Variants in SPEN observed in about 807,000 individuals in gnomAD.
The protein encoded by SPEN is msx2-interacting protein.
In SPEN, 18 loss-of-function variants were observed where a neutral mutation model predicts 269.9. The ratio of observed to expected loss-of-function variants is 0.07; its 90% confidence interval spans 0.05 to 0.10. SPEN has a LOEUF of 0.10. Ranked by LOEUF, SPEN falls within the 10% of genes least tolerant of loss-of-function variation. The pLI is 1.00. For missense variants in SPEN, 3,822 were observed against 4,631.2 expected, an observed-to-expected ratio of 0.83 and a Z score of 5.07; for synonymous variants, 1,726 against 1,765.7, an observed-to-expected ratio of 0.98 and a Z score of 0.56.
At chr1:15,888,301 A>G (rs1442545618) in intron 3 of SPEN, among the ~76,000 whole-genome samples, 1 of 150,358 alleles carries the variant, frequency 6.7e-6, no homozygotes, top group Non-Finnish European at 1.5e-5. Context: ...GAAGCAAACT[A>G]TGTAAACTCT....
rs776885128 is a variant in SPEN at position 15,934,784 on chromosome 1, G to A, written c.8544G>A (p.Gln2848=). ...PPASAMDIEF[Q]QSVSKSQVKP... ...CCAGTGCAATGGACATTGAATTTCA[G>A]CAGTCAGTGTCCAAGTCCCAGGTCA... Residue 2848 remains glutamine (Q), a synonymous_variant, in exon 11 of 15, where the codon CAG becomes CAA. Transcript: ENST00000375759. This position sits in a 1 kb window ranked among gnomAD's most constrained non-coding sequence, Gnocchi z 9.2. The A allele has an allele frequency of 9.8e-5, 158 of 1,614,028 alleles. 1 individual carries two copies. Among genetic ancestry groups the A allele is most frequent in the Admixed American group, 8.5e-4 (51 of 60,002 alleles).
chr1:15,920,172 C>T (rs1283887797), intron 8 of SPEN, among the ~76,000 whole-genome samples: 8 of 151,998 alleles, frequency 5.3e-5, no homozygotes, highest in Non-Finnish European at 1.0e-4. Context: ...CAGGTTCAAG[C>T]GATTCTCTAG....
In SPEN at chr1:15,934,241, C is replaced by G; in HGVS notation, c.8001C>G (p.Ala2667=). The change falls in exon 11 of 15, where the codon GCC becomes GCG. Residue 2667 remains alanine, a synonymous_variant. Coordinates refer to ENST00000375759, the MANE Select transcript of SPEN (RefSeq NM_015001.3). The surrounding 1 kb of genome is among the most constrained non-coding windows in gnomAD (Gnocchi z 9.2). ...ACGTCTCCCTGGTCCCGGTGAATGCCCTGAAAGGCCCCGTGAAGGGCTCAG... is the reference window on the plus strand; with the variant it reads ...ACGTCTCCCTGGTCCCGGTGAATGCGCTGAAAGGCCCCGTGAAGGGCTCAG... ...LVNVSLVPVN[A]LKGPVKGSVT... 6.2e-7 allele frequency: 1 copy of G among 1,614,236 alleles called. No individual in the cohort carries two copies. Among genetic ancestry groups the G allele is most frequent in the Non-Finnish European group, 8.5e-7 (1 of 1,180,038 alleles).
chr1:15,880,453 CTT>C (rs371820417), intron 3 of SPEN, among the ~76,000 whole-genome samples: 20 of 110,954 alleles, frequency 1.8e-4, no homozygotes, highest in South Asian at 2.8e-4. Context: ...GTAATTATAG[CTT>C]TTTTTTTTTT....
chr1:15,920,916 A>C lies in SPEN; in HGVS notation c.1682A>C (p.Glu561Ala). 6.2e-7 allele frequency: 1 copy of C among 1,613,360 alleles called. No individual in the cohort carries two copies. Among genetic ancestry groups the C allele is most frequent in the Non-Finnish European group, 8.5e-7 (1 of 1,179,838 alleles). ...GGCATGGCCCTGGTTCTCTACAATG[A>C]AATTGAATATGCACAAGCAGCTGTA... is the stretch of plus-strand genomic sequence containing the variant. Reference protein sequence around the residue: ...LKGMALVLYNEIEYAQAAVKE... With the variant: ...LKGMALVLYNAIEYAQAAVKE... The change falls in exon 9 of 15, where the codon GAA becomes GCA. Residue 561 changes from glutamate (E) to alanine (A), a missense_variant. Physicochemically the swap from Glu to Ala is moderately radical, Grantham distance 107. Coordinates refer to ENST00000375759, the MANE Select transcript of SPEN (RefSeq NM_015001.3).
At position 15,922,236 on chromosome 1, in the gene SPEN, T is replaced by A. The variant is rs1373945910; in HGVS notation, c.1750-13T>A. The A allele has an allele frequency of 7.0e-6, 11 of 1,580,384 alleles. No individual in the cohort carries two copies. The African/African-American group carries it at 1.2e-4, about 18-fold the overall frequency. On this transcript the variant is annotated splice_polypyrimidine_tract_variant and intron_variant, in intron 9 of 14. Coordinates refer to ENST00000375759, the MANE Select transcript of SPEN (RefSeq NM_015001.3). ...TTGAAACTTGCATCAAACACCTCTT[T>A]TTTTTTTTAAAGGTGGATTTTGCAA... is the stretch of plus-strand genomic sequence containing the variant.
At chr1:15,896,963 G>A (rs577946531) in intron 3 of SPEN, among the ~76,000 whole-genome samples, 1 of 152,236 alleles carries the variant, frequency 6.6e-6, no homozygotes, top group Admixed American at 6.5e-5. Context: ...GCGAGACCTT[G>A]TCGTGAAAGA....
At chr1:15,889,380 G>T (rs981033840) in intron 3 of SPEN, among the ~76,000 whole-genome samples, 3 of 151,862 alleles carry the variant, frequency 2.0e-5, no homozygotes, top group African/African-American at 7.3e-5. Flanking sequence ...TGGTCAGACC[G>T]GTGTCAAACT....
intron 1 of SPEN, among the ~76,000 whole-genome samples, chr1:15,859,974 C>T (rs1437734613): frequency 4.3e-5 from 5 of 115,084 alleles, no homozygotes; most frequent in East Asian, 3.0e-4. Context: ...TGCAGTGGTG[C>T]GATCTCAGCT....
In SPEN at chr1:15,938,077, C is replaced by G. The variant is rs556939516; in HGVS notation, c.10704+71C>G. ...GGAAGACGTAGGTAGTCCCTGCCAG[C>G]CCATCTCCCTGGCCTGTCATGGAAG... On this transcript the variant is annotated intron_variant, in intron 13 of 14. Transcript: ENST00000375759. 6.0e-6 allele frequency: 8 copies of G among 1,333,820 alleles called. No individual in the cohort carries two copies. The African/African-American group carries it at 1.2e-4, about 20-fold the overall frequency. The allele number at this position is 1,333,820 out of a possible 1,614,324, so 82.6% of individuals were successfully genotyped here. A position where few individuals can be genotyped will look rare whatever the true frequency, so the allele number is the denominator to read the frequency against.
At chr1:15,893,318 T>C (rs183774172) in intron 3 of SPEN, among the ~76,000 whole-genome samples, 30 of 152,312 alleles carry the variant, frequency 2.0e-4, no homozygotes, top group African/African-American at 7.2e-4. Context: ...ATTCTTTATA[T>C]GTTATTTTCG....
chr1:15,884,638 A>T, intron 3 of SPEN, among the ~76,000 whole-genome samples: 1 of 152,174 alleles, frequency 6.6e-6, no homozygotes, highest in East Asian at 1.9e-4. Flanking sequence ...GATACGTGGC[A>T]TGTGCTGGGA....
At chr1:15,915,841 T>G (rs528803172) in intron 5 of SPEN, among the ~76,000 whole-genome samples, 1 of 152,310 alleles carries the variant, frequency 6.6e-6, no homozygotes, top group African/African-American at 2.4e-5. Flanking sequence ...TCCCAGCTAA[T>G]TTAGCAGATT....
chr1:15,858,912 C>G (rs2070413158), intron 1 of SPEN, among the ~76,000 whole-genome samples: 1 of 152,194 alleles, frequency 6.6e-6, no homozygotes, highest in Non-Finnish European at 1.5e-5. Flanking sequence ...CTGCCGCACT[C>G]TACCCTGGGC....
Position 15,930,330 on chromosome 1 carries a change from A to G in SPEN, c.4090A>G (p.Ser1364Gly), listed in dbSNP as rs749053129. 38 of 1,613,886 alleles carry G rather than the reference A, an allele frequency of 2.4e-5. No homozygotes were observed. The East Asian group carries it at 7.8e-4, about 33-fold the overall frequency. Residue 1364 changes from serine to glycine, a missense_variant, in exon 11 of 15, where the codon AGC (serine) becomes GGC (glycine). By Grantham distance (56) the Ser-to-Gly change is moderately conservative. Transcript: ENST00000375759. The surrounding 1 kb of genome is among the most constrained non-coding windows in gnomAD (Gnocchi z 5.3). ...CCCAAACAGCATAATTAAGAGAGAT[A>G]GCCTTCGAAAAAGGTCTGTACGAGA... Reference protein sequence around the residue: ...SFPNSIIKRDSLRKRSVRDLE... With the variant: ...SFPNSIIKRDGLRKRSVRDLE...
chr1:15,877,700 A>G (rs771283091), intron 3 of SPEN, among the ~76,000 whole-genome samples: 2 of 149,074 alleles, frequency 1.3e-5, no homozygotes, highest in Non-Finnish European at 3.0e-5. Context: ...TAAGTAATCT[A>G]GGATAAGTTA....
chr1:15,919,111 A>G, intron 7 of SPEN, 60 bp downstream of exon 7: 1 of 1,522,482 alleles, frequency 6.6e-7, no homozygotes, highest in Non-Finnish European at 8.9e-7. Flanking sequence ...TTAAGACTTG[A>G]AGGGTTTTTT....
rs775930994 is a variant in SPEN at position 15,931,703 on chromosome 1, C to A, written c.5463C>A (p.Ser1821Arg). 8 of 1,614,148 alleles carry A rather than the reference C, an allele frequency of 5.0e-6. No individual in the cohort carries two copies. The Admixed American group carries it at 1.3e-4, about 27-fold the overall frequency. The change falls in exon 11 of 15, where the codon AGC (serine) becomes AGA (arginine). Residue 1821 changes from serine to arginine, a missense_variant. This residue lies in a region of SPEN where 533 missense variants were observed against 618.8 expected (regional missense o/e 0.86). Transcript: ENST00000375759. This position sits in a 1 kb window ranked among gnomAD's most constrained non-coding sequence, Gnocchi z 4.8. ...VAAKDKKPNK[S>R]KRSKTPVQAA... Reference sequence around the variant, plus strand: ...CAAAGGATAAAAAGCCAAACAAAAGCAAGCGTTCAAAGACCCCTGTTCAGG... The same window carrying A: ...CAAAGGATAAAAAGCCAAACAAAAGAAAGCGTTCAAAGACCCCTGTTCAGG...
chr1:15,851,450 G>A (rs1048154239), intron 1 of SPEN, among the ~76,000 whole-genome samples: 2 of 152,172 alleles, frequency 1.3e-5, no homozygotes, highest in African/African-American at 4.8e-5. Context: ...GGGTTGAAGG[G>A]GGAAGGGAGG....
Sources: allele counts gnomAD v4.1 joint callset (sites outside exome capture counted in the v4.1 genomes callset), GRCh38; gene constraint gnomAD v4.1.1; regional missense constraint gnomAD v4.1.1; non-coding constraint Gnocchi (gnomAD v3.1); transcripts MANE v1.5; gene names NCBI Gene and HGNC (gene_info 2026-07-23, HGNC 2026-07-21).